The following SLC9C1 variants were observed in gnomAD, a reference collection of about 807,000 sequenced individuals.
SLC9C1 encodes sodium/hydrogen exchanger 10.
In SLC9C1, 97 loss-of-function variants were observed where a neutral mutation model predicts 140.9. The observed-to-expected ratio is 0.69, with a 90% CI of 0.58 to 0.82. The LOEUF (loss-of-function observed/expected upper bound fraction) is 0.82, where lower values mean the gene tolerates loss of function less well. SLC9C1 is among the 40% of genes least tolerant of loss of function. SLC9C1 has a pLI of 0.00. For synonymous variants in SLC9C1, 440 were observed against 442.6 expected, an observed-to-expected ratio of 0.99 and a Z score of 0.07; for missense variants, 1,340 against 1,389.3, an observed-to-expected ratio of 0.96 and a Z score of 0.56.
rs1038347129 is a variant in SLC9C1 at position 112,265,986 on chromosome 3, A to G, written c.878+252T>C. On this transcript the variant is annotated intron_variant, in intron 8 of 28. Coordinates refer to ENST00000305815, the MANE Select transcript of SLC9C1 (RefSeq NM_183061.3). ...TTTTATATGGGAAATTATTGAGGAGATAATCAGAGATTTGAGGAATGAGTG... is the reference window on the plus strand; with the variant it reads ...TTTTATATGGGAAATTATTGAGGAGGTAATCAGAGATTTGAGGAATGAGTG... 2.0e-5 allele frequency among the ~76,000 whole-genome samples: 3 copies of G among 152,140 alleles called. No homozygotes were observed. The East Asian group carries it at 5.8e-4, about 29-fold the overall frequency.
chr3:112,293,492 G>T (rs1048831084), intron 1 of SLC9C1, among the ~76,000 whole-genome samples: 1 of 152,162 alleles, frequency 6.6e-6, no homozygotes, highest in African/African-American at 2.4e-5. Context: ...GGAACGTTTT[G>T]CAAGAATTAG....
Position 112,159,988 on chromosome 3 carries a change from T to C in SLC9C1, c.3365-4939A>G, listed in dbSNP as rs1182999096. Among the ~76,000 whole-genome samples the C allele has an allele frequency of 3.3e-5, 5 of 152,002 alleles. No homozygotes were observed. The South Asian group carries it at 1.0e-3, about 31-fold the overall frequency. ...AAGAGTTCTTCTCATAGGCAGCATA[T>C]AGTTGGGTTTTATTTTTTTAATTTA... On this transcript the variant is annotated intron_variant, in intron 26 of 28. Transcript: ENST00000305815.
intron 1 of SLC9C1, among the ~76,000 whole-genome samples, chr3:112,290,749 T>TA (rs1165655860): frequency 2.0e-5 from 3 of 152,086 alleles, no homozygotes; most frequent in Non-Finnish European, 2.9e-5. Flanking sequence ...GTTGAGTGGA[T>TA]ATATATTTAG....
At chr3:112,235,451 T>C (rs928580710) in intron 12 of SLC9C1, among the ~76,000 whole-genome samples, 4 of 151,422 alleles carry the variant, frequency 2.6e-5, no homozygotes, top group Admixed American at 1.3e-4. Context: ...CTTTTCCTAA[T>C]TGACTACCCT....
intron 18 of SLC9C1, among the ~76,000 whole-genome samples, 196 bp from the exon 19 acceptor site, chr3:112,200,958 G>T (rs2077891492): frequency 1.3e-5 from 2 of 151,956 alleles, no homozygotes; most frequent in Admixed American, 1.3e-4. Flanking sequence ...AAGATAAGAG[G>T]TATAACCTAG....
chr3:112,251,579 T>A (rs1303021810), intron 10 of SLC9C1, among the ~76,000 whole-genome samples: 1 of 152,070 alleles, frequency 6.6e-6, no homozygotes, highest in Non-Finnish European at 1.5e-5. Flanking sequence ...GTAGCAATGG[T>A]CTACAGGCAT....
At chr3:112,203,751 A>G (rs376189959) in intron 17 of SLC9C1, among the ~76,000 whole-genome samples, 2 of 152,102 alleles carry the variant, frequency 1.3e-5, no homozygotes, top group East Asian at 1.9e-4. Context: ...GAAACATGTT[A>G]TTAGACAATC....
At chr3:112,185,924 A>G in intron 20 of SLC9C1, 1 of 1,570,130 alleles carries the variant, frequency 6.4e-7, no homozygotes, top group Non-Finnish European at 8.6e-7. Context: ...CCGCCGGGAA[A>G]TAGCCAGGCG....
chr3:112,142,716 TA>T (rs955704476), intron 28 of SLC9C1, among the ~76,000 whole-genome samples: 27 of 151,780 alleles, frequency 1.8e-4, no homozygotes, highest in South Asian at 8.3e-4. Flanking sequence ...TGGGCAATAA[TA>T]AAAAAAAATC....
At position 112,204,351 on chromosome 3, in the gene SLC9C1, A is replaced by G; in HGVS notation, c.2039T>C (p.Leu680Ser). 6.4e-7 allele frequency: 1 copy of G among 1,574,004 alleles called. No individual in the cohort carries two copies. Among genetic ancestry groups the G allele is most frequent in the South Asian group, 1.2e-5 (1 of 81,700 alleles). Residue 680 changes from leucine (L) to serine (S), a missense_variant, in exon 17 of 29, where the codon TTA becomes TCA. By Grantham distance (145) the Leu-to-Ser change is moderately radical. Transcript: ENST00000305815. ...FFSHAWNIFELAITLIGILHV... is the reference protein window; with the variant it reads ...FFSHAWNIFESAITLIGILHV... ...TAAGATGCCAATTAATGTAATTGCTAACTCGAATATGTTCCAGGCATGTGA... is the reference window on the plus strand; with the variant it reads ...TAAGATGCCAATTAATGTAATTGCTGACTCGAATATGTTCCAGGCATGTGA...
intron 20 of SLC9C1, among the ~76,000 whole-genome samples, chr3:112,192,064 A>ATT (rs57993990): frequency 7.6e-4 from 112 of 146,928 alleles, no homozygotes; most frequent in Non-Finnish European, 8.6e-4. Flanking sequence ...GTTTTTTTCC[A>ATT]TTTTTTTTTT....
chr3:112,157,119 C>T (rs1377740451), intron 26 of SLC9C1, among the ~76,000 whole-genome samples: 1 of 151,852 alleles, frequency 6.6e-6, no homozygotes, highest in East Asian at 1.9e-4. Flanking sequence ...TAGCATTTTC[C>T]CAACTTTTTT....
intron 26 of SLC9C1, among the ~76,000 whole-genome samples, chr3:112,165,215 G>C (rs777799593): frequency 6.6e-6 from 1 of 152,038 alleles, no homozygotes; most frequent in Non-Finnish European, 1.5e-5. Flanking sequence ...CCATGGGTTC[G>C]AACTTCCTCC....
At chr3:112,206,370 C>A (rs554528417) in intron 16 of SLC9C1, among the ~76,000 whole-genome samples, 4 of 152,140 alleles carry the variant, frequency 2.6e-5, no homozygotes, top group Admixed American at 1.3e-4. Context: ...GATGTGGAGA[C>A]ATAGGAACAG....
At chr3:112,232,869 C>A (rs1267000220) in intron 12 of SLC9C1, among the ~76,000 whole-genome samples, 1 of 151,838 alleles carries the variant, frequency 6.6e-6, no homozygotes, top group East Asian at 1.9e-4. Context: ...CACAGCTAAA[C>A]TTTGGCTTTG....
chr3:112,197,025 C>T (rs535939567), intron 20 of SLC9C1, among the ~76,000 whole-genome samples: 2 of 151,458 alleles, frequency 1.3e-5, no homozygotes, highest in South Asian at 4.2e-4. Context: ...CCCTTTTTCC[C>T]CAGAATTTGC....
intron 26 of SLC9C1, among the ~76,000 whole-genome samples, chr3:112,156,552 G>A (rs184351654): frequency 4.2e-4 from 64 of 152,116 alleles, no homozygotes; most frequent in African/African-American, 1.5e-3. Flanking sequence ...GGGATTGCTA[G>A]ATCATATGGT....
chr3:112,175,890 A>C lies in SLC9C1; in HGVS notation c.2919+3641T>G, dbSNP rs557256091. Among the ~76,000 whole-genome samples the C allele has an allele frequency of 2.1e-4, 32 of 152,268 alleles. No individual in the cohort carries two copies. The South Asian group carries it at 6.4e-3, about 31-fold the overall frequency. Reference sequence around the variant, plus strand: ...TTTCTCAGAGAGATGCAATGCTGCTACCCGTGGCTGGCTGGATTTCCAAGC... The same window carrying C: ...TTTCTCAGAGAGATGCAATGCTGCTCCCCGTGGCTGGCTGGATTTCCAAGC... On this transcript the variant is annotated intron_variant, in intron 23 of 28. Coordinates refer to ENST00000305815, the MANE Select transcript of SLC9C1 (RefSeq NM_183061.3).
rs763044923 is a variant in SLC9C1, at chr3:112,180,527, AC to A, written c.2748+36del. The A allele has an allele frequency of 6.5e-6, 10 of 1,550,158 alleles. No individual in the cohort carries two copies. In the East Asian group the frequency reaches 2.3e-4, roughly 35 times the overall value. ...AACAAGAGAGAAACTCTGTCTCAAA[AC>A]AAAAAAACAAAACAAAACAAAAACC... On this transcript the variant is annotated intron_variant, in intron 22 of 28. Transcript: ENST00000305815.
Sources: allele counts gnomAD v4.1 joint callset (sites outside exome capture counted in the v4.1 genomes callset), GRCh38; gene constraint gnomAD v4.1.1; transcripts MANE v1.5; gene names NCBI Gene and HGNC (gene_info 2026-07-23, HGNC 2026-07-21).